MACROD2: variants seen among roughly 807,000 people sequenced by gnomAD.
The protein encoded by MACROD2 is ADP-ribose glycohydrolase MACROD2.
A neutral mutation model predicts 70.4 loss-of-function variants in MACROD2; 36 were observed. The observed-to-expected ratio is 0.51, with a 90% CI of 0.39 to 0.68. MACROD2 has a LOEUF of 0.68. Among genes scored for constraint, MACROD2 ranks in the 30% least tolerant of loss-of-function variants. The pLI is 0.00. For missense variants in MACROD2, 496 were observed against 538.4 expected (o/e 0.92, Z 0.78); for synonymous variants, 172 against 178.8 (o/e 0.96, Z 0.30).
intron 5 of MACROD2, among the ~76,000 whole-genome samples, chr20:15,082,106 C>T (rs914110473): frequency 6.6e-6 from 1 of 152,134 alleles, no homozygotes; most frequent in African/African-American, 2.4e-5. Context: ...TACCTCATTC[C>T]AGCTCTCTTT....
chr20:14,783,430 C>G (rs144646753), intron 5 of MACROD2, among the ~76,000 whole-genome samples: 7 of 152,180 alleles, frequency 4.6e-5, no homozygotes, highest in African/African-American at 1.4e-4. Flanking sequence ...AATATTTTAC[C>G]ATCTCTGCTC....
At chr20:15,364,542 A>T (rs76998912) in intron 6 of MACROD2, among the ~76,000 whole-genome samples, 3,528 of 152,278 alleles carry the variant, frequency 0.023, 62 homozygotes, top group Middle Eastern at 0.037. Context: ...ATCTTTCCAT[A>T]AACCAGATCA....
intron 5 of MACROD2, among the ~76,000 whole-genome samples, chr20:14,973,406 A>G (rs1432210364): frequency 6.6e-5 from 10 of 151,880 alleles, no homozygotes; most frequent in Admixed American, 6.6e-4. Flanking sequence ...TATTTTTAGT[A>G]TAGACGAGAT....
intron 4 of MACROD2, among the ~76,000 whole-genome samples, chr20:14,559,869 T>C (rs889104149): frequency 6.6e-6 from 1 of 151,842 alleles, no homozygotes; most frequent in African/African-American, 2.4e-5. Flanking sequence ...ATGGAGACTG[T>C]AATGGCTGCT....
intron 5 of MACROD2, among the ~76,000 whole-genome samples, chr20:14,883,823 T>C (rs1011924638): frequency 6.6e-6 from 1 of 152,160 alleles, no homozygotes; most frequent in Non-Finnish European, 1.5e-5. Flanking sequence ...GAAAAGAATG[T>C]CTTTACTAGA....
intron 3 of MACROD2, among the ~76,000 whole-genome samples, chr20:14,092,679 T>A (rs892013649): frequency 1.3e-5 from 2 of 152,196 alleles, no homozygotes; most frequent in African/African-American, 4.8e-5. Flanking sequence ...TAATCCTCAC[T>A]TTTGAAATCT....
chr20:15,496,004 C>T (rs769086982), intron 7 of MACROD2, among the ~76,000 whole-genome samples: 2 of 152,158 alleles, frequency 1.3e-5, no homozygotes, highest in African/African-American at 2.4e-5. Context: ...CATTCAAAGA[C>T]CAGAAAGAAG....
intron 4 of MACROD2, chr20:14,626,768 T>G (rs919949419): frequency 5.3e-5 from 8 of 152,200 alleles, no homozygotes; most frequent in African/African-American, 1.9e-4. Flanking sequence ...AAAATATTTT[T>G]GGCACCCAGC....
intron 3 of MACROD2, among the ~76,000 whole-genome samples, chr20:14,384,391 G>A (rs2083451002): frequency 6.6e-6 from 1 of 152,082 alleles, no homozygotes; most frequent in South Asian, 2.1e-4. Context: ...TTTTATATTT[G>A]GCACCAGACA....
chr20:15,880,345 A>T (rs973450849), intron 9 of MACROD2, among the ~76,000 whole-genome samples: 20 of 151,896 alleles, frequency 1.3e-4, no homozygotes, highest in Admixed American at 1.1e-3. Context: ...GTTTTTACAG[A>T]TGTTTTTCCC....
rs575562029 is a variant in MACROD2 at position 15,595,882 on chromosome 20, C to T, written c.645+96035C>T. ...GAATGAAAAACTTGAGCTATGCCAA[C>T]GTAATAGCCTAATTTAATACTTAAA... On this transcript the variant is annotated intron_variant, in intron 8 of 17. Transcript: ENST00000684519. 1.1e-4 allele frequency among the ~76,000 whole-genome samples: 17 copies of T among 152,228 alleles called. No individual in the cohort carries two copies. The East Asian group carries it at 1.7e-3, about 16-fold the overall frequency.
At chr20:14,661,715 A>G (rs1986235547) in intron 4 of MACROD2, among the ~76,000 whole-genome samples, 1 of 151,952 alleles carries the variant, frequency 6.6e-6, no homozygotes, top group South Asian at 2.1e-4. Context: ...TTTCTTCAGA[A>G]ACCAGGATGC....
chr20:15,496,269 G>T (rs533107504), intron 7 of MACROD2, among the ~76,000 whole-genome samples: 1 of 152,222 alleles, frequency 6.6e-6, no homozygotes, highest in Non-Finnish European at 1.5e-5. Context: ...ACTTTGAATC[G>T]GGAATGTTGC....
At chr20:15,146,936 C>T (rs1057166736) in intron 5 of MACROD2, among the ~76,000 whole-genome samples, 3 of 152,098 alleles carry the variant, frequency 2.0e-5, no homozygotes, top group Non-Finnish European at 4.4e-5. Context: ...TGCAGCCTTA[C>T]TTGTTTCAAT....
At chr20:14,932,440 C>CA (rs1025487588) in intron 5 of MACROD2, among the ~76,000 whole-genome samples, 2 of 152,038 alleles carry the variant, frequency 1.3e-5, no homozygotes, top group Non-Finnish European at 2.9e-5. Context: ...TCCTGCATCA[C>CA]AAAAAAACCT....
chr20:15,849,239 A>G (rs2064269276), intron 8 of MACROD2, among the ~76,000 whole-genome samples: 2 of 152,156 alleles, frequency 1.3e-5, no homozygotes, highest in South Asian at 4.1e-4. Context: ...TACTCAAGGG[A>G]GATTGTTCTG....
chr20:15,486,231 A>G (rs2047161472), intron 7 of MACROD2, among the ~76,000 whole-genome samples: 1 of 152,078 alleles, frequency 6.6e-6, no homozygotes, highest in Non-Finnish European at 1.5e-5. Flanking sequence ...TCCATACTTG[A>G]TCTTAAAAAT....
intron 5 of MACROD2, among the ~76,000 whole-genome samples, chr20:14,743,491 A>T (rs2071760708): frequency 6.6e-6 from 1 of 152,200 alleles, no homozygotes; most frequent in Admixed American, 6.5e-5. Context: ...GAAGACGACC[A>T]CAAGTCAAGG....
At chr20:15,977,758 A>G (rs1013840394) in intron 13 of MACROD2, among the ~76,000 whole-genome samples, 2 of 152,238 alleles carry the variant, frequency 1.3e-5, no homozygotes, top group South Asian at 2.1e-4. Flanking sequence ...ATTCATGTGT[A>G]TATATCTAAA....
Sources: allele counts gnomAD v4.1 joint callset (sites outside exome capture counted in the v4.1 genomes callset), GRCh38; gene constraint gnomAD v4.1.1; transcripts MANE v1.5; gene names NCBI Gene and HGNC (gene_info 2026-07-23, HGNC 2026-07-21).